The following DST variants were observed in gnomAD, a reference collection of about 807,000 sequenced individuals.
DST encodes bullous pemphigoid antigen.
Under a neutral mutation model 875.2 loss-of-function variants are expected in DST, and 253 were observed. The observed-to-expected ratio is 0.29, with a 90% CI of 0.26 to 0.32. The LOEUF (loss-of-function observed/expected upper bound fraction) is 0.32, where lower values mean the gene tolerates loss of function less well. Ranked by LOEUF, DST falls within the 10% of genes least tolerant of loss-of-function variation. The pLI is 1.00. For missense variants in DST, 8,287 were observed against 9,111.6 expected, an observed-to-expected ratio of 0.91 and a Z score of 3.68; for synonymous variants, 3,124 against 3,197.1, an observed-to-expected ratio of 0.98 and a Z score of 0.77.
intron 4 of DST, among the ~76,000 whole-genome samples, chr6:56,768,281 A>G (rs1439868088): frequency 1.3e-5 from 2 of 152,230 alleles, no homozygotes; most frequent in Admixed American, 1.3e-4. Context: ...ATACTACCCA[A>G]TTTCAATACC....
intron 2 of DST, among the ~76,000 whole-genome samples, chr6:56,950,911 C>T (rs925387955): frequency 1.3e-5 from 2 of 152,138 alleles, no homozygotes; most frequent in African/African-American, 4.8e-5. Context: ...TTATTTCTAG[C>T]TTCATGAGGA....
At chr6:56,809,657 T>C (rs971547671) in intron 4 of DST, among the ~76,000 whole-genome samples, 1 of 152,204 alleles carries the variant, frequency 6.6e-6, no homozygotes, top group African/African-American at 2.4e-5. Context: ...ACCTTCCACA[T>C]AGATCATTGA....
chr6:56,633,075 A>C, intron 27 of DST, 38 bp from the exon 28 acceptor site: 2 of 1,576,250 alleles, frequency 1.3e-6, no homozygotes, highest in Non-Finnish European at 1.7e-6. Context: ...TCATTCTATT[A>C]CTCATAGATT....
intron 36 of DST, among the ~76,000 whole-genome samples, chr6:56,622,179 G>A (rs2098695589): frequency 6.6e-6 from 1 of 152,084 alleles, no homozygotes; most frequent in South Asian, 2.1e-4. Flanking sequence ...AAGAAATTCT[G>A]AGCTATTTCT....
chr6:56,614,210 A>G, intron 37 of DST, 146 bp downstream of exon 37: 1 of 661,324 alleles, frequency 1.5e-6, no homozygotes. Context: ...TGGGCAAGTT[A>G]TTTAATCTTT....
chr6:56,909,004 C>T (rs1312831518), intron 2 of DST, among the ~76,000 whole-genome samples: 3 of 151,886 alleles, frequency 2.0e-5, no homozygotes, highest in African/African-American at 7.3e-5. Context: ...AGCCATTCTT[C>T]TATTCCTTTA....
chr6:56,577,406 T>A (rs2097888633), intron 50 of DST, among the ~76,000 whole-genome samples: 1 of 152,236 alleles, frequency 6.6e-6, no homozygotes, highest in Admixed American at 6.5e-5. Flanking sequence ...ATTCATATTT[T>A]CATTTTATAC....
intron 3 of DST, among the ~76,000 whole-genome samples, chr6:56,899,298 A>G (rs1792889118): frequency 6.6e-6 from 1 of 152,206 alleles, no homozygotes; most frequent in East Asian, 1.9e-4. Flanking sequence ...ACCAAATTCT[A>G]CTTAGCCTTT....
intron 4 of DST, chr6:56,742,263 C>T: frequency 7.8e-7 from 1 of 1,277,790 alleles, no homozygotes; most frequent in South Asian, 1.2e-5. Flanking sequence ...ATATGTGATA[C>T]TACTAACCCA....
intron 4 of DST, among the ~76,000 whole-genome samples, chr6:56,757,008 C>G (rs1211812437): frequency 2.0e-5 from 3 of 152,132 alleles, no homozygotes; most frequent in Non-Finnish European, 4.4e-5. Flanking sequence ...TTGCAGCAAG[C>G]TCAGTCTCAT....
chr6:56,556,324 A>C (rs966791709), intron 59 of DST, among the ~76,000 whole-genome samples: 35 of 152,328 alleles, frequency 2.3e-4, no homozygotes, highest in African/African-American at 7.9e-4. Flanking sequence ...ATTGATGTTT[A>C]CAGTCTTTAT....
At chr6:56,494,303 A>G (rs1245803938) in intron 82 of DST, 123 bp from the exon 83 acceptor site, 1 of 799,016 alleles carries the variant, frequency 1.3e-6, no homozygotes, top group Non-Finnish European at 1.9e-6. Flanking sequence ...CTCTCAGGGC[A>G]ACCTTGACGC....
chr6:56,608,707 T>C lies in DST; in HGVS notation c.5921A>G (p.His1974Arg), dbSNP rs867036560. The change falls in exon 40 of 104, where the codon CAT (histidine) becomes CGT (arginine). Residue 1974 changes from histidine (H) to arginine (R), a missense_variant. Coordinates refer to ENST00000680361, the MANE Select transcript of DST (RefSeq NM_001374736.1). ...GRNISILRAAHEGLIDRETMF... is the reference protein window; with the variant it reads ...GRNISILRAAREGLIDRETMF... The stretch of plus-strand genomic sequence containing the variant: ...GGTTTCACGGTCTATGAGACCTTCA[T>C]GAGCTGCTCTTAAAATGCTTATGTT... 7 of 1,611,364 alleles carry C rather than the reference T, an allele frequency of 4.3e-6. No individual in the cohort carries two copies. In the African/African-American group the frequency reaches 6.7e-5, roughly 15 times the overall value.
intron 55 of DST, among the ~76,000 whole-genome samples, chr6:56,563,110 G>A (rs2152568995): frequency 6.6e-6 from 1 of 152,226 alleles, no homozygotes; most frequent in Admixed American, 6.5e-5. Flanking sequence ...CCAGTAATAG[G>A]ATTGCTGGGT....
In DST at chr6:56,515,543, C is replaced by A; in HGVS notation, c.18483G>T (p.Trp6161Cys). 1.2e-6 allele frequency: 2 copies of A among 1,613,878 alleles called. No homozygotes were observed. The highest frequency in any genetic ancestry group is 8.5e-7 in the Non-Finnish European group (1 of 1,179,840). ...NQFWETYEEL[W>C]PWLTETQSII... is the part of the protein sequence containing the mutation. The stretch of plus-strand genomic sequence containing the variant: ...TTGATTGTGTTTCTGTCAGCCATGG[C>A]CAAAGTTCTTCATATGTTTCCCAGA... Residue 6161 changes from tryptophan to cysteine, a missense_variant, in exon 72 of 104, where the codon TGG becomes TGT. Coordinates refer to ENST00000680361, the MANE Select transcript of DST (RefSeq NM_001374736.1).
chr6:56,728,534 G>A (rs1013348497), intron 5 of DST, among the ~76,000 whole-genome samples: 5 of 152,010 alleles, frequency 3.3e-5, no homozygotes, highest in African/African-American at 1.2e-4. Flanking sequence ...AAATTAGCTG[G>A]GCATGGTGGC....
intron 9 of DST, chr6:56,692,450 T>C (rs1245596113): frequency 1.6e-6 from 2 of 1,289,546 alleles, no homozygotes; most frequent in Middle Eastern, 2.1e-4. Flanking sequence ...TGGCATCTCT[T>C]TTTTTTAAAC....
rs535909861 is a variant in DST at position 56,748,606 on chromosome 6, A to T, written c.626-13317T>A. On this transcript the variant is annotated intron_variant, in intron 4 of 103. Coordinates refer to ENST00000680361, the MANE Select transcript of DST (RefSeq NM_001374736.1). Reference sequence around the variant, plus strand: ...AATTCTTATCCAGAACATGCAATAAACGTCAAAATCACAACACTATACACT... The same window carrying T: ...AATTCTTATCCAGAACATGCAATAATCGTCAAAATCACAACACTATACACT... Among the ~76,000 whole-genome samples, 22 of 152,324 alleles carry T rather than the reference A, an allele frequency of 1.4e-4. No individual in the cohort carries two copies. The East Asian group carries it at 4.0e-3, about 28-fold the overall frequency.
Position 56,608,272 on chromosome 6 carries a change from A to T in DST, c.6356T>A (p.Ile2119Asn). ...ALYIPESSQVIGLDAAKQLGI... is the reference protein window; with the variant it reads ...ALYIPESSQVNGLDAAKQLGI... ...TAGCTGTTTAGCAGCATCCAAACCA[A>T]TGACTTGAGAACTTTCTGGAATATA... Residue 2119 changes from isoleucine to asparagine, a missense_variant, in exon 40 of 104, where the codon ATT becomes AAT. Ile to Asn is a moderately radical substitution (Grantham distance 149). This residue lies in a region of DST where 3,138 missense variants were observed against 3,116.6 expected (regional missense o/e 1.01). Coordinates refer to ENST00000680361, the MANE Select transcript of DST (RefSeq NM_001374736.1). 1.9e-6 allele frequency: 3 copies of T among 1,613,662 alleles called. No individual in the cohort carries two copies. The highest frequency in any genetic ancestry group is 2.5e-6 in the Non-Finnish European group (3 of 1,179,766).
Sources: allele counts gnomAD v4.1 joint callset (sites outside exome capture counted in the v4.1 genomes callset), GRCh38; gene constraint gnomAD v4.1.1; regional missense constraint gnomAD v4.1.1; transcripts MANE v1.5; gene names NCBI Gene and HGNC (gene_info 2026-07-23, HGNC 2026-07-21).